The following XKR6 variants were observed in gnomAD, a reference collection of about 807,000 sequenced individuals.
XKR6 encodes the protein XK-related protein 6.
Under a neutral mutation model 56.7 loss-of-function variants are expected in XKR6, and 22 were observed. The observed-to-expected ratio is 0.39, with a 90% CI of 0.28 to 0.55. The LOEUF is 0.55. Among genes scored for constraint, XKR6 ranks in the 20% least tolerant of loss-of-function variants. XKR6 has a pLI of 0.66. For synonymous variants in XKR6, 524 were observed against 387.8 expected, an observed-to-expected ratio of 1.35 and a Z score of -4.13; for missense variants, 852 against 889.0, an observed-to-expected ratio of 0.96 and a Z score of 0.53.
chr8:10,904,798 G>C (rs1800139662), intron 2 of XKR6, among the ~76,000 whole-genome samples: 1 of 152,208 alleles, frequency 6.6e-6, no homozygotes, highest in Non-Finnish European at 1.5e-5. Flanking sequence ...AGCCACAGGA[G>C]TGCCTAGAGA....
chr8:10,947,278 A>G (rs1010958469), intron 1 of XKR6, among the ~76,000 whole-genome samples: 1 of 152,212 alleles, frequency 6.6e-6, no homozygotes, highest in African/African-American at 2.4e-5. Flanking sequence ...GTTGCCATTC[A>G]CCGGGATGAA....
At chr8:10,940,974 G>A (rs1475652597) in intron 1 of XKR6, among the ~76,000 whole-genome samples, 1 of 152,194 alleles carries the variant, frequency 6.6e-6, no homozygotes, top group Non-Finnish European at 1.5e-5. Context: ...CAGGGACATA[G>A]CTCTGGTCCC....
intron 1 of XKR6, among the ~76,000 whole-genome samples, chr8:11,001,320 T>G (rs549458434): frequency 5.6e-5 from 8 of 143,816 alleles, no homozygotes; most frequent in African/African-American, 2.4e-4. Context: ...AGCTAGTGAA[T>G]AAATGGCCTC....
chr8:10,912,466 T>TAG lies in XKR6; in HGVS notation c.961+12166_961+12167dup, dbSNP rs1172368505. ...GTGAGTGTATATATATATATATATA[T>TAG]AGAGAGAGAGAGAGAGAGAGAGACA... is the stretch of plus-strand genomic sequence containing the variant. On this transcript the variant is annotated intron_variant, in intron 2 of 2. Transcript: ENST00000416569. Among the ~76,000 whole-genome samples, 374 of 98,208 alleles carry TAG rather than the reference T, an allele frequency of 3.8e-3. 3 individuals carry two copies. The highest frequency in any genetic ancestry group is 9.8e-3 in the East Asian group (32 of 3,276). The allele number at this position is 98,208 out of a possible 152,430, so 64.4% of individuals were successfully genotyped here.
intron 1 of XKR6, among the ~76,000 whole-genome samples, chr8:11,088,069 A>C (rs892923821): frequency 6.6e-6 from 1 of 152,256 alleles, no homozygotes; most frequent in African/African-American, 2.4e-5. Context: ...AAACAAGATA[A>C]GTAGCTTCAA....
rs573572965 is a variant in XKR6, at chr8:11,098,167, C to G, written c.764+102409G>C. On this transcript the variant is annotated intron_variant, in intron 1 of 2. Coordinates refer to ENST00000416569, the MANE Select transcript of XKR6 (RefSeq NM_173683.4). ...AATCCCACGACCCACTCCAGAAATACCGAATTGGAATCTGCAATTGAACTA... is the reference window on the plus strand; with the variant it reads ...AATCCCACGACCCACTCCAGAAATAGCGAATTGGAATCTGCAATTGAACTA... Among the ~76,000 whole-genome samples, 39 of 152,182 alleles carry G rather than the reference C, an allele frequency of 2.6e-4. No homozygotes were observed. In the South Asian group the frequency reaches 7.9e-3, roughly 31 times the overall value.
chr8:11,091,035 C>T (rs183656248), intron 1 of XKR6, among the ~76,000 whole-genome samples: 67 of 152,288 alleles, frequency 4.4e-4, no homozygotes, highest in African/African-American at 1.6e-3. Context: ...CTCTTCTAGG[C>T]CATCCTCTCT....
chr8:11,196,155 T>C lies in XKR6; in HGVS notation c.764+4421A>G, dbSNP rs78383855. ...GGTATCTAAATATTGAATATTACCA[T>C]TCTTAAACCACAAAATCTTAGCATT... On this transcript the variant is annotated intron_variant, in intron 1 of 2. Transcript: ENST00000416569. 3.1e-3 allele frequency among the ~76,000 whole-genome samples: 478 copies of C among 152,220 alleles called. 10 individuals carry two copies. The highest frequency in any genetic ancestry group is 0.022 in the South Asian group (105 of 4,822).
intron 1 of XKR6, among the ~76,000 whole-genome samples, chr8:11,011,952 G>C (rs1798509768): frequency 6.6e-6 from 1 of 152,248 alleles, no homozygotes; most frequent in African/African-American, 2.4e-5. Flanking sequence ...AGATGGTGCA[G>C]GAGGTGGCAG....
intron 1 of XKR6, among the ~76,000 whole-genome samples, chr8:11,183,975 G>A (rs931079070): frequency 3.3e-5 from 5 of 152,020 alleles, no homozygotes; most frequent in Admixed American, 1.3e-4. Flanking sequence ...ATATCCCCCG[G>A]CTACAACAGA....
chr8:11,102,935 A>C (rs1175981217), intron 1 of XKR6, among the ~76,000 whole-genome samples: 1 of 152,236 alleles, frequency 6.6e-6, no homozygotes, highest in East Asian at 1.9e-4. Context: ...ATGAGGAAAG[A>C]CAGCCAGGAA....
intron 2 of XKR6, among the ~76,000 whole-genome samples, chr8:10,906,423 G>A (rs1179110780): frequency 6.6e-6 from 1 of 152,202 alleles, no homozygotes; most frequent in Non-Finnish European, 1.5e-5. Context: ...CACATGCAGG[G>A]CACTACCTGG....
At chr8:10,962,121 G>C (rs1034194488) in intron 1 of XKR6, among the ~76,000 whole-genome samples, 4 of 152,230 alleles carry the variant, frequency 2.6e-5, no homozygotes, top group Non-Finnish European at 1.5e-5. Flanking sequence ...GGGCGACAGA[G>C]TGGGAGGAAA....
intron 2 of XKR6, among the ~76,000 whole-genome samples, chr8:10,911,180 CATAT>C (rs144959729): frequency 0.048 from 6,951 of 144,146 alleles, 232 homozygotes; most frequent in Non-Finnish European, 0.076. Flanking sequence ...AGTATATATA[CATAT>C]AGAGAGAGGG....
At chr8:11,106,951 C>G (rs560619431) in intron 1 of XKR6, among the ~76,000 whole-genome samples, 2 of 151,746 alleles carry the variant, frequency 1.3e-5, no homozygotes, top group African/African-American at 2.4e-5. Context: ...TACTTCCCCA[C>G]AAGAAGCTAC....
At chr8:11,105,158 A>G (rs1432097150) in intron 1 of XKR6, 1 of 152,194 alleles carries the variant, frequency 6.6e-6, no homozygotes, top group African/African-American at 2.4e-5. Flanking sequence ...GAGACTGAAT[A>G]TGCTAATATT....
intron 1 of XKR6, among the ~76,000 whole-genome samples, chr8:11,057,994 T>A (rs867943929): frequency 1.3e-5 from 2 of 152,266 alleles, no homozygotes; most frequent in African/African-American, 2.4e-5. Context: ...CATATGTCTG[T>A]GGCACATGTG....
chr8:11,081,986 C>T (rs1223979697), intron 1 of XKR6, among the ~76,000 whole-genome samples: 1 of 152,192 alleles, frequency 6.6e-6, no homozygotes, highest in Non-Finnish European at 1.5e-5. Context: ...TGTCGGCCTA[C>T]CCTCTCGCCT....
chr8:11,128,137 T>TA, intron 1 of XKR6, among the ~76,000 whole-genome samples: 1 of 152,192 alleles, frequency 6.6e-6, no homozygotes. Context: ...AGTTAATACG[T>TA]AAAGGACAAT....
Sources: gnomAD v4.1 joint callset for allele counts (sites outside exome capture counted in the v4.1 genomes callset) on GRCh38, gnomAD v4.1.1 for gene constraint, MANE v1.5 for transcripts, NCBI Gene and HGNC (gene_info 2026-07-23, HGNC 2026-07-21) for gene names.